CFAP47: variants seen among roughly 807,000 people sequenced by gnomAD.
The protein encoded by CFAP47 is cilia and flagella associated protein 47.
A neutral mutation model predicts 148.1 loss-of-function variants in CFAP47; 29 were observed. The ratio of observed to expected loss-of-function variants is 0.20; its 90% confidence interval spans 0.15 to 0.27. The LOEUF (loss-of-function observed/expected upper bound fraction) is 0.27. CFAP47 is among the 10% of genes least tolerant of loss of function. The pLI is 1.00. For missense variants in CFAP47, 1,872 were observed against 1,697.5 expected (o/e 1.10, Z -1.81); for synonymous variants, 664 against 577.3 (o/e 1.15, Z -2.15).
chrX:36,014,398 A>C (rs1228176169), intron 21 of CFAP47, among the ~76,000 whole-genome samples: 1 of 111,364 alleles, frequency 9.0e-6, no homozygotes, highest in Non-Finnish European at 1.9e-5. Flanking sequence ...TTGATACTGT[A>C]CAATTTAATT....
In CFAP47 at chrX:36,282,959, T is replaced by C. The variant is rs1199483082; in HGVS notation, c.7588+2329T>C. Among the ~76,000 whole-genome samples the C allele has an allele frequency of 3.6e-5, 4 of 111,801 alleles. No homozygotes were observed. The East Asian group carries it at 8.4e-4, about 24-fold the overall frequency. ...GTTTCTTTTGTGATATATTGAATAATTGAAACTAAAGTTTTAATAGTGAGT... is the reference window on the plus strand; with the variant it reads ...GTTTCTTTTGTGATATATTGAATAACTGAAACTAAAGTTTTAATAGTGAGT... On this transcript the variant is annotated intron_variant, in intron 50 of 63. Coordinates refer to ENST00000378653, the MANE Select transcript of CFAP47 (RefSeq NM_001304548.2).
At chrX:36,211,844 G>C (rs1253464943) in intron 45 of CFAP47, among the ~76,000 whole-genome samples, 1 of 111,505 alleles carries the variant, frequency 9.0e-6, no homozygotes, top group East Asian at 2.8e-4. Flanking sequence ...GGCTGTGTAA[G>C]ATTTGTTTTT....
chrX:36,149,904 C>T (rs1044069380), intron 37 of CFAP47, among the ~76,000 whole-genome samples: 4 of 109,943 alleles, frequency 3.6e-5, no homozygotes, highest in African/African-American at 1.3e-4. Context: ...CCACTGTGCC[C>T]GGCCTATATA....
chrX:35,975,792 C>G lies in CFAP47; in HGVS notation c.2592C>G (p.Phe864Leu). Residue 864 changes from phenylalanine (F) to leucine (L), a missense_variant, in exon 15 of 64, where the codon TTC becomes TTG. By Grantham distance (22) the Phe-to-Leu change is conservative (BLOSUM62 0). Transcript: ENST00000378653. ...TAGTATTGAGACCACGAGGCTTCTT[C>G]ATGAAAACATGTTTTCGGGGGACAG... ...NELVLRPRGF[F>L]MKTCFRGTVR... is the part of the protein sequence containing the mutation. The G allele has an allele frequency of 8.3e-7, 1 of 1,210,772 alleles. No homozygotes were observed. Among genetic ancestry groups the G allele is most frequent in the East Asian group, 3.0e-5 (1 of 33,792 alleles).
intron 57 of CFAP47, among the ~76,000 whole-genome samples, chrX:36,334,005 A>C (rs1441689162): frequency 9.0e-6 from 1 of 111,706 alleles, no homozygotes; most frequent in Non-Finnish European, 1.9e-5. Flanking sequence ...TAGCTGAATA[A>C]AAATATACAA....
chrX:36,369,449 T>C (rs1262021048), intron 62 of CFAP47, among the ~76,000 whole-genome samples: 5 of 110,710 alleles, frequency 4.5e-5, no homozygotes, highest in Non-Finnish European at 9.4e-5. Flanking sequence ...GAGAGTGATT[T>C]TTTTTAAAGA....
chrX:36,009,637 A>G (rs764700324), intron 21 of CFAP47, among the ~76,000 whole-genome samples: 56 of 112,277 alleles, frequency 5.0e-4, no homozygotes, highest in Middle Eastern at 4.2e-3. Context: ...TTAGGCTTCT[A>G]TAATTTGGTT....
chrX:36,142,210 G>A (rs1482483531), intron 35 of CFAP47, among the ~76,000 whole-genome samples: 3 of 111,113 alleles, frequency 2.7e-5, no homozygotes, highest in Non-Finnish European at 5.7e-5. Flanking sequence ...ATTAAATCCA[G>A]CATAAAACTC....
intron 39 of CFAP47, among the ~76,000 whole-genome samples, chrX:36,174,255 A>G (rs1939633465): frequency 9.1e-6 from 1 of 110,126 alleles, no homozygotes; most frequent in Non-Finnish European, 1.9e-5. Flanking sequence ...TCTTTATCCA[A>G]TTTGCCAGTC....
At chrX:35,940,486 C>T (rs1057372768) in intron 2 of CFAP47, among the ~76,000 whole-genome samples, 2 of 111,488 alleles carry the variant, frequency 1.8e-5, no homozygotes, top group Non-Finnish European at 3.8e-5. Flanking sequence ...TGACTAGATA[C>T]TCTGTTGTCC....
intron 33 of CFAP47, among the ~76,000 whole-genome samples, chrX:36,121,042 C>G (rs1231082005): frequency 9.0e-6 from 1 of 111,467 alleles, no homozygotes; most frequent in Non-Finnish European, 1.9e-5. Flanking sequence ...TCTGGGTGCT[C>G]TAGTGTTTGG....
intron 58 of CFAP47, 44 bp from the exon 59 acceptor site, chrX:36,349,994 A>G: frequency 1.3e-6 from 1 of 776,815 alleles, no homozygotes; most frequent in Non-Finnish European, 1.9e-6. Flanking sequence ...GTTAATATGG[A>G]GTTTCTCCTT....
chrX:36,247,921 A>C (rs1217769729), intron 48 of CFAP47, among the ~76,000 whole-genome samples: 2 of 110,951 alleles, frequency 1.8e-5, no homozygotes, highest in African/African-American at 6.5e-5. Flanking sequence ...TTTTAAATAA[A>C]ATGACAAAAA....
chrX:36,017,765 C>T (rs1198996333), intron 22 of CFAP47, among the ~76,000 whole-genome samples: 1 of 110,763 alleles, frequency 9.0e-6, no homozygotes, highest in African/African-American at 3.3e-5. Flanking sequence ...CTGCCAGTAC[C>T]GTCTGTTTTG....
chrX:35,940,661 C>T (rs1215389619), intron 2 of CFAP47, among the ~76,000 whole-genome samples: 1 of 110,718 alleles, frequency 9.0e-6, no homozygotes, highest in Non-Finnish European at 1.9e-5. Context: ...TTTCTCTCTC[C>T]CCCGCTCTCT....
At chrX:36,060,690 G>A (rs1401088078) in intron 26 of CFAP47, among the ~76,000 whole-genome samples, 1 of 111,429 alleles carries the variant, frequency 9.0e-6, no homozygotes, top group African/African-American at 3.3e-5. Context: ...ATACTTCCTT[G>A]GACTTAGGGG....
At chrX:36,093,484 T>A (rs1938220863) in intron 30 of CFAP47, among the ~76,000 whole-genome samples, 1 of 111,533 alleles carries the variant, frequency 9.0e-6, no homozygotes, top group Admixed American at 9.5e-5. Flanking sequence ...TTTATACTTT[T>A]GATTTGCATT....
At chrX:36,198,392 G>A (rs370129236) in intron 42 of CFAP47, among the ~76,000 whole-genome samples, 4 of 111,918 alleles carry the variant, frequency 3.6e-5, no homozygotes, top group Admixed American at 1.9e-4. Context: ...ACTGGGTTGT[G>A]GAGACCAAGA....
chrX:36,167,359 C>T lies in CFAP47; in HGVS notation c.6026+6590C>T, dbSNP rs968315448. Among the ~76,000 whole-genome samples the T allele has an allele frequency of 1.4e-4, 16 of 111,661 alleles. 1 individual carries two copies. Among genetic ancestry groups the T allele is most frequent in the Admixed American group, 1.4e-3 (15 of 10,500 alleles). ...AGAGCTAGGGGTGGGGACAATGGTG[C>T]ACTTTTTCTTCAGCAAACCCTCCAT... On this transcript the variant is annotated intron_variant, in intron 39 of 63. Transcript: ENST00000378653.
Sources: gnomAD v4.1 joint callset for allele counts (sites outside exome capture counted in the v4.1 genomes callset) on GRCh38, gnomAD v4.1.1 for gene constraint, MANE v1.5 for transcripts, NCBI Gene and HGNC (gene_info 2026-07-23, HGNC 2026-07-21) for gene names.